The following RNF13 variants were observed in gnomAD, a reference collection of about 807,000 sequenced individuals.
RNF13 encodes the protein ring finger protein 13.
A neutral mutation model predicts 37.7 loss-of-function variants in RNF13; 19 were observed. That is an observed-to-expected ratio of 0.50 (90% CI 0.35 to 0.74). RNF13 has a LOEUF of 0.74. Ranked by LOEUF, RNF13 falls within the 30% of genes least tolerant of loss-of-function variation. RNF13 has a pLI of 0.01. For synonymous variants in RNF13, 144 were observed against 157.8 expected (o/e 0.91, Z 0.65); for missense variants, 375 against 453.0 (o/e 0.83, Z 1.56).
chr3:149,911,782 A>G (rs1246230753), intron 6 of RNF13, among the ~76,000 whole-genome samples, 196 bp from the exon 7 acceptor site: 2 of 152,246 alleles, frequency 1.3e-5, no homozygotes, highest in Non-Finnish European at 2.9e-5. Context: ...TAGGAAAAAT[A>G]TGTAAAATAG....
At chr3:149,948,531 C>T (rs1359844831) in intron 8 of RNF13, among the ~76,000 whole-genome samples, 5 of 152,104 alleles carry the variant, frequency 3.3e-5, no homozygotes, top group Non-Finnish European at 7.4e-5. Flanking sequence ...GTTACCCTTG[C>T]AATTCCATAA....
chr3:149,853,463 AGAGAGAGAG>A (rs1723326175), intron 3 of RNF13, among the ~76,000 whole-genome samples: 1 of 97,110 alleles, frequency 1.0e-5, no homozygotes, highest in Non-Finnish European at 2.4e-5. Flanking sequence ...AGGGAGAGAG[AGAGAGAGAG>A]AGAGAGAGAG....
upstream of RNF13, chr3:149,813,047 C>T (rs1488377174): frequency 6.6e-6 from 1 of 152,334 alleles, no homozygotes; most frequent in Non-Finnish European, 1.5e-5. Context: ...ATCACGCGGC[C>T]AAGAACGAGA....
chr3:149,878,157 G>T (rs577653278), intron 4 of RNF13, among the ~76,000 whole-genome samples: 4 of 152,036 alleles, frequency 2.6e-5, no homozygotes, highest in African/African-American at 7.2e-5. Context: ...TTTTACATAG[G>T]TATCCTTTAA....
chr3:149,883,601 C>T (rs1339895792), intron 4 of RNF13, among the ~76,000 whole-genome samples: 3 of 151,708 alleles, frequency 2.0e-5, no homozygotes, highest in Non-Finnish European at 2.9e-5. Context: ...TTCATAATTC[C>T]GTATCCATGT....
chr3:149,884,825 A>G (rs983253303), intron 4 of RNF13, among the ~76,000 whole-genome samples: 1 of 151,524 alleles, frequency 6.6e-6, no homozygotes, highest in African/African-American at 2.4e-5. Flanking sequence ...CTGTTGTGCT[A>G]TCAAGTACTA....
chr3:149,884,032 C>A (rs187024942), intron 4 of RNF13, among the ~76,000 whole-genome samples: 50 of 152,256 alleles, frequency 3.3e-4, no homozygotes, highest in Middle Eastern at 3.4e-3. Flanking sequence ...GACATGATCT[C>A]GTTCCTTTTT....
chr3:149,838,256 G>A (rs1252492821), intron 1 of RNF13, among the ~76,000 whole-genome samples: 1 of 152,212 alleles, frequency 6.6e-6, no homozygotes, highest in African/African-American at 2.4e-5. Context: ...CACGGTGCAA[G>A]TTGTTGGTGG....
intron 4 of RNF13, chr3:149,895,101 A>C (rs1715101220): frequency 6.4e-6 from 1 of 155,934 alleles, no homozygotes; most frequent in African/African-American, 2.4e-5. Context: ...GTTTTATCTG[A>C]CTCATTTCTG....
At chr3:149,851,236 C>G (rs953762428) in intron 2 of RNF13, 2 of 152,210 alleles carry the variant, frequency 1.3e-5, no homozygotes, top group African/African-American at 4.8e-5. Flanking sequence ...ACTTTTCCTG[C>G]TGACAGTGTG....
At chr3:149,902,740 G>A (rs567715399) in intron 6 of RNF13, among the ~76,000 whole-genome samples, 1 of 152,078 alleles carries the variant, frequency 6.6e-6, no homozygotes, top group East Asian at 1.9e-4. Context: ...CAGAGAAAAC[G>A]GTACAATAAA....
intron 4 of RNF13, among the ~76,000 whole-genome samples, chr3:149,890,631 G>A (rs1714599092): frequency 6.6e-6 from 1 of 152,174 alleles, no homozygotes; most frequent in African/African-American, 2.4e-5. Flanking sequence ...AGGTCGTCTA[G>A]TTCCCAGAGT....
chr3:149,949,467 T>C (rs1215944091), intron 8 of RNF13, among the ~76,000 whole-genome samples: 1 of 150,284 alleles, frequency 6.7e-6, no homozygotes, highest in East Asian at 2.0e-4. Context: ...TCTCTGTCAC[T>C]AGACAGTTTA....
rs145985693 is a variant in RNF13, at chr3:149,900,830, C to T, written c.410-1242C>T. 2.7e-3 allele frequency among the ~76,000 whole-genome samples: 409 copies of T among 151,364 alleles called. 3 individuals are homozygous for T. The highest frequency in any genetic ancestry group is 8.8e-3 in the African/African-American group (363 of 41,250). On this transcript the variant is annotated intron_variant, in intron 5 of 9. Coordinates refer to ENST00000392894, the MANE Select transcript of RNF13 (RefSeq NM_183381.3). ...CATGTTTTTTTCTGGTGTGTATGTGCGCGCATGTGTGCGTGTGTGTGTGTG... is the reference window on the plus strand; with the variant it reads ...CATGTTTTTTTCTGGTGTGTATGTGTGCGCATGTGTGCGTGTGTGTGTGTG...
chr3:149,876,543 C>G (rs1712718809), intron 4 of RNF13, among the ~76,000 whole-genome samples: 2 of 152,090 alleles, frequency 1.3e-5, no homozygotes, highest in Admixed American at 1.3e-4. Flanking sequence ...GCCTCTCTCT[C>G]AAGTCTCATC....
intron 3 of RNF13, among the ~76,000 whole-genome samples, chr3:149,854,652 T>G (rs1031400094): frequency 4.6e-5 from 7 of 152,184 alleles, no homozygotes; most frequent in Non-Finnish European, 8.8e-5. Context: ...GCTTTATAGA[T>G]GAGTGGTGCA....
chr3:149,835,079 A>T (rs1721456718), intron 1 of RNF13, among the ~76,000 whole-genome samples: 1 of 152,336 alleles, frequency 6.6e-6, no homozygotes, highest in South Asian at 2.1e-4. Context: ...AGAGGAAAAC[A>T]TAAAGAAAGC....
chr3:149,900,765 C>A (rs919255783), intron 5 of RNF13, among the ~76,000 whole-genome samples: 2 of 151,824 alleles, frequency 1.3e-5, no homozygotes, highest in South Asian at 4.1e-4. Flanking sequence ...TTAAATATTT[C>A]TTGACTAATA....
At chr3:149,826,336 T>C (rs1720501115) in intron 1 of RNF13, among the ~76,000 whole-genome samples, 1 of 152,216 alleles carries the variant, frequency 6.6e-6, no homozygotes, top group Non-Finnish European at 1.5e-5. Flanking sequence ...TAGTGTAGGA[T>C]AGAGTCTTTT....
Sources: allele counts gnomAD v4.1 joint callset (sites outside exome capture counted in the v4.1 genomes callset), GRCh38; gene constraint gnomAD v4.1.1; transcripts MANE v1.5; gene names NCBI Gene and HGNC (gene_info 2026-07-23, HGNC 2026-07-21).